PDZRN4: variants seen among roughly 807,000 people sequenced by gnomAD.
PDZRN4 encodes PDZ domain containing ring finger 4, also known as PDZ domain-containing RING finger protein 4.
PDZRN4 carries 70 observed loss-of-function variants against 99.0 expected under a neutral mutation model. That is an observed-to-expected ratio of 0.71 (90% CI 0.58 to 0.86). PDZRN4 has a LOEUF of 0.86. Ranked by LOEUF, PDZRN4 falls within the 40% of genes least tolerant of loss-of-function variation. PDZRN4 has a pLI of 0.00. For synonymous variants in PDZRN4, 551 were observed against 501.6 expected (o/e 1.10, Z -1.32); for missense variants, 1,474 against 1,331.2 (o/e 1.11, Z -1.67).
intron 3 of PDZRN4, among the ~76,000 whole-genome samples, chr12:41,492,947 A>G (rs1005090511): frequency 2.0e-5 from 3 of 152,198 alleles, no homozygotes; most frequent in Non-Finnish European, 4.4e-5. Flanking sequence ...GAAATTATAC[A>G]TTCTGTTTTA....
chr12:41,477,972 G>A (rs1259078606), intron 3 of PDZRN4: 1 of 1,148,966 alleles, frequency 8.7e-7, no homozygotes, highest in East Asian at 2.5e-5. Context: ...GCTTATCAGT[G>A]AGCGAATTAA....
intron 2 of PDZRN4, among the ~76,000 whole-genome samples, chr12:41,192,126 G>T (rs76578782): frequency 6.6e-6 from 1 of 151,856 alleles, no homozygotes; most frequent in African/African-American, 2.4e-5. Context: ...TTCTTTTTGA[G>T]TTGGAGTATC....
chr12:41,442,628 AT>A (rs1952688812), intron 3 of PDZRN4, among the ~76,000 whole-genome samples: 1 of 152,132 alleles, frequency 6.6e-6, no homozygotes, highest in African/African-American at 2.4e-5. Flanking sequence ...TCTCTACTTT[AT>A]ATCTAACAGC....
chr12:41,487,887 C>T (rs545678803), intron 3 of PDZRN4, among the ~76,000 whole-genome samples: 20 of 152,256 alleles, frequency 1.3e-4, no homozygotes, highest in African/African-American at 4.8e-4. Flanking sequence ...GTTCTTCATT[C>T]GGTAAACATA....
At chr12:41,267,494 C>T (rs1259466462) in intron 3 of PDZRN4, among the ~76,000 whole-genome samples, 3 of 152,002 alleles carry the variant, frequency 2.0e-5, no homozygotes, top group African/African-American at 7.2e-5. Flanking sequence ...TTAGAAATGT[C>T]CTTTCTCTAT....
rs184045076 is a variant in PDZRN4 at position 41,478,599 on chromosome 12, T to C, written c.844-27857T>C. Among the ~76,000 whole-genome samples, 136 of 152,314 alleles carry C rather than the reference T, an allele frequency of 8.9e-4. 1 individual carries two copies. Among genetic ancestry groups the C allele is most frequent in the Middle Eastern group, 3.4e-3 (1 of 294 alleles). ...TGAAGCCAAGACACAAACTAAAATC[T>C]GACAAGACACAAACTTTTCCTCCCA... On this transcript the variant is annotated intron_variant, in intron 3 of 9. Transcript: ENST00000402685.
At chr12:41,289,752 A>AT (rs553242332) in intron 3 of PDZRN4, among the ~76,000 whole-genome samples, 116 of 152,344 alleles carry the variant, frequency 7.6e-4, no homozygotes, top group African/African-American at 2.6e-3. Context: ...GCAGTCCAAT[A>AT]TACAGATTAG....
chr12:41,564,799 T>A (rs1450138103), intron 8 of PDZRN4, among the ~76,000 whole-genome samples: 2 of 152,114 alleles, frequency 1.3e-5, no homozygotes, highest in African/African-American at 4.8e-5. Context: ...ATACCAATTA[T>A]CTGGAAATTT....
intron 3 of PDZRN4, among the ~76,000 whole-genome samples, chr12:41,247,599 T>C (rs1455663992): frequency 3.3e-5 from 5 of 152,190 alleles, no homozygotes; most frequent in African/African-American, 1.2e-4. Context: ...TGTGACCAGC[T>C]TGGAGAAATA....
chr12:41,355,909 A>G (rs866167815), intron 3 of PDZRN4, among the ~76,000 whole-genome samples: 8 of 152,042 alleles, frequency 5.3e-5, no homozygotes, highest in Admixed American at 1.3e-4. Flanking sequence ...TACAATGACA[A>G]TCACCCCCAC....
Position 41,484,608 on chromosome 12 carries a change from C to T in PDZRN4, c.844-21848C>T, listed in dbSNP as rs11180950. On this transcript the variant is annotated intron_variant, in intron 3 of 9. Transcript: ENST00000402685. The stretch of plus-strand genomic sequence containing the variant: ...TGAATAGTACGTGCTTTATTAATGT[C>T]AGTTATTAGAAACATTGTTTTCTAT... 7.0e-3 allele frequency among the ~76,000 whole-genome samples: 1,065 copies of T among 152,272 alleles called. 41 individuals carry two copies. The East Asian group carries it at 0.13, about 18-fold the overall frequency.
intron 3 of PDZRN4, among the ~76,000 whole-genome samples, chr12:41,340,964 A>G (rs1028701034): frequency 1.3e-5 from 2 of 151,982 alleles, no homozygotes. Flanking sequence ...AAAAATTCTC[A>G]ACAAGATACT....
chr12:41,424,014 A>T (rs1952513430), intron 3 of PDZRN4, among the ~76,000 whole-genome samples: 1 of 151,900 alleles, frequency 6.6e-6, no homozygotes, highest in Non-Finnish European at 1.5e-5. Flanking sequence ...TGGCTCCATT[A>T]CTCTTGCCAT....
chr12:41,404,865 A>C (rs1013637860), intron 3 of PDZRN4, among the ~76,000 whole-genome samples: 3 of 152,128 alleles, frequency 2.0e-5, no homozygotes, highest in Non-Finnish European at 4.4e-5. Flanking sequence ...CAAAAAAACA[A>C]GCAATGGGGA....
intron 3 of PDZRN4, among the ~76,000 whole-genome samples, chr12:41,348,219 T>C (rs1951868299): frequency 6.6e-6 from 1 of 152,178 alleles, no homozygotes; most frequent in Non-Finnish European, 1.5e-5. Flanking sequence ...TTCTGGAGTG[T>C]ACAGCATTGC....
At position 41,439,939 on chromosome 12, in the gene PDZRN4, C is replaced by T. The variant is rs75888930; in HGVS notation, c.844-66517C>T. On this transcript the variant is annotated intron_variant, in intron 3 of 9. Transcript: ENST00000402685. ...TGAGTTAATGGAATAGATAAGATATCAAAGGAAACCAGTGATAGGCTCATA... is the reference window on the plus strand; with the variant it reads ...TGAGTTAATGGAATAGATAAGATATTAAAGGAAACCAGTGATAGGCTCATA... Among the ~76,000 whole-genome samples the T allele has an allele frequency of 9.7e-3, 1,481 of 152,258 alleles. 22 individuals are homozygous for T. Among genetic ancestry groups the T allele is most frequent in the African/African-American group, 0.034 (1,409 of 41,550 alleles).
chr12:41,432,191 C>T (rs1203678576), intron 3 of PDZRN4, among the ~76,000 whole-genome samples: 2 of 152,148 alleles, frequency 1.3e-5, no homozygotes, highest in Non-Finnish European at 2.9e-5. Context: ...ATAGTGTATA[C>T]ACATAAATAC....
intron 2 of PDZRN4, 125 bp downstream of exon 2, chr12:41,191,669 T>C (rs1488189737): frequency 3.9e-6 from 2 of 514,372 alleles, no homozygotes; most frequent in Admixed American, 7.6e-5. Context: ...GAAAAACAAG[T>C]GGTTTAATCT....
At chr12:41,547,042 A>G (rs1029820904) in intron 5 of PDZRN4, among the ~76,000 whole-genome samples, 4 of 152,160 alleles carry the variant, frequency 2.6e-5, no homozygotes, top group African/African-American at 9.7e-5. Flanking sequence ...TCTGCTAAAA[A>G]CTCAACATTC....
Sources: gnomAD v4.1 joint callset for allele counts (sites outside exome capture counted in the v4.1 genomes callset) on GRCh38, gnomAD v4.1.1 for gene constraint, MANE v1.5 for transcripts, NCBI Gene and HGNC (gene_info 2026-07-23, HGNC 2026-07-21) for gene names.